The following ME1 variants were observed in gnomAD, a reference collection of about 807,000 sequenced individuals.
The protein encoded by ME1 is malic enzyme 1, also known as NADP-dependent malic enzyme.
A neutral mutation model predicts 66.4 loss-of-function variants in ME1; 74 were observed. The ratio of observed to expected loss-of-function variants is 1.11; its 90% CI spans 0.92 to 1.35. ME1 has a LOEUF of 1.35. Among genes scored for constraint, ME1 ranks in the 40% most tolerant of loss-of-function variants. The pLI, the probability that ME1 is intolerant of heterozygous loss-of-function variation, is 0.00. For missense variants in ME1, 750 were observed against 694.1 expected, an observed-to-expected ratio of 1.08 and a Z score of -0.90; for synonymous variants, 251 against 235.6, an observed-to-expected ratio of 1.07 and a Z score of -0.60.
intron 1 of ME1, among the ~76,000 whole-genome samples, chr6:83,409,113 A>C (rs561128304): frequency 6.8e-4 from 103 of 152,230 alleles, no homozygotes; most frequent in African/African-American, 2.3e-3. Flanking sequence ...ACAAATAAGG[A>C]AGCAGACCCC....
chr6:83,381,493 T>C (rs1307544142), intron 3 of ME1, among the ~76,000 whole-genome samples: 1 of 152,018 alleles, frequency 6.6e-6, no homozygotes, highest in Non-Finnish European at 1.5e-5. Flanking sequence ...GAAAGTCTTA[T>C]GTACAGGAGA....
At chr6:83,222,919 A>G (rs115333482) in intron 12 of ME1, among the ~76,000 whole-genome samples, 8,205 of 152,252 alleles carry the variant, frequency 0.054, 707 homozygotes, top group African/African-American at 0.18. Flanking sequence ...AGGCCCAGAC[A>G]GAGCTCACTT....
intron 3 of ME1, among the ~76,000 whole-genome samples, chr6:83,394,142 G>T (rs1769685018): frequency 6.6e-6 from 1 of 151,716 alleles, no homozygotes; most frequent in South Asian, 2.1e-4. Flanking sequence ...ACAATTAACA[G>T]TAAATTCTAA....
chr6:83,294,757 T>TC (rs933401050), intron 6 of ME1, among the ~76,000 whole-genome samples: 2 of 151,480 alleles, frequency 1.3e-5, no homozygotes, highest in Non-Finnish European at 2.9e-5. Flanking sequence ...CTTCCACAGT[T>TC]CCCCCCGACT....
chr6:83,226,940 C>A (rs1380746073), intron 11 of ME1, among the ~76,000 whole-genome samples: 2 of 152,132 alleles, frequency 1.3e-5, no homozygotes, highest in African/African-American at 4.8e-5. Flanking sequence ...AACCCAAACC[C>A]AGGATTTAGC....
intron 5 of ME1, among the ~76,000 whole-genome samples, chr6:83,328,409 C>T (rs1768342768): frequency 6.6e-6 from 1 of 152,086 alleles, no homozygotes; most frequent in African/African-American, 2.4e-5. Context: ...CACATGTATA[C>T]CTATGTAACA....
intron 6 of ME1, among the ~76,000 whole-genome samples, chr6:83,292,395 G>T (rs569770834): frequency 6.6e-6 from 1 of 152,134 alleles, no homozygotes; most frequent in East Asian, 1.9e-4. Context: ...CAGTTACTTC[G>T]CAGTTTGCTG....
chr6:83,303,819 G>C (rs1471444040), intron 6 of ME1, among the ~76,000 whole-genome samples: 1 of 152,046 alleles, frequency 6.6e-6, no homozygotes, highest in Non-Finnish European at 1.5e-5. Context: ...CATGTTCTCA[G>C]AGTGATGGAG....
rs548062771 is a variant in ME1, at chr6:83,405,940, C to T, written c.212+1828G>A. Among the ~76,000 whole-genome samples the T allele has an allele frequency of 9.0e-4, 137 of 152,210 alleles. No homozygotes were observed. The Middle Eastern group carries it at 0.017, about 19-fold the overall frequency. On this transcript the variant is annotated intron_variant, in intron 2 of 13. Coordinates refer to ENST00000369705, the MANE Select transcript of ME1 (RefSeq NM_002395.6). The stretch of plus-strand genomic sequence containing the variant: ...GTTTCACCGTTTTAGCCGGGATGGT[C>T]TCGATCTCCTGAACTCGTGATCCGC...
chr6:83,425,160 AT>A (rs201835117), intron 1 of ME1, among the ~76,000 whole-genome samples: 2 of 150,014 alleles, frequency 1.3e-5, no homozygotes, highest in South Asian at 2.1e-4. Flanking sequence ...AGCTTTTTGT[AT>A]TTTTTTTTCT....
Position 83,211,766 on chromosome 6 carries a change from A to T in ME1, c.*158T>A. The T allele has an allele frequency of 2.0e-6, 1 of 495,246 alleles. No homozygotes were observed. 30.7% of individuals were successfully genotyped at this position (495,246 alleles called of 1,614,324 possible). A position where few individuals can be genotyped will look rare whatever the true frequency, so the allele number is the denominator to read the frequency against. On this transcript the variant is annotated 3_prime_UTR_variant, in exon 14 of 14. Transcript: ENST00000369705. ...AGCAAAATTGTCTCATGTGATGTTTATCCCAATTTATATCGATATTCTTCT... is the reference window on the plus strand; with the variant it reads ...AGCAAAATTGTCTCATGTGATGTTTTTCCCAATTTATATCGATATTCTTCT...
intron 5 of ME1, among the ~76,000 whole-genome samples, chr6:83,329,913 C>A (rs1175672185): frequency 6.6e-6 from 1 of 152,188 alleles, no homozygotes; most frequent in East Asian, 1.9e-4. Context: ...TAGCCTCGAA[C>A]TCCGAGACTC....
At chr6:83,386,971 T>TA (rs1311608411) in intron 3 of ME1, among the ~76,000 whole-genome samples, 1 of 152,090 alleles carries the variant, frequency 6.6e-6, no homozygotes, top group African/African-American at 2.4e-5. Context: ...CTGTCACTGA[T>TA]AAAGTACCCA....
intron 1 of ME1, among the ~76,000 whole-genome samples, chr6:83,419,800 G>A (rs1770232022): frequency 6.6e-6 from 1 of 152,050 alleles, no homozygotes; most frequent in Admixed American, 6.6e-5. Context: ...ACTGCTAATT[G>A]CCTACGACAA....
At chr6:83,422,375 G>A (rs1770285104) in intron 1 of ME1, among the ~76,000 whole-genome samples, 1 of 152,098 alleles carries the variant, frequency 6.6e-6, no homozygotes, top group South Asian at 2.1e-4. Flanking sequence ...AAGCAAAGAA[G>A]AACAGTATTC....
chr6:83,331,236 T>C (rs1243945501), intron 5 of ME1, among the ~76,000 whole-genome samples: 1 of 152,046 alleles, frequency 6.6e-6, no homozygotes, highest in Non-Finnish European at 1.5e-5. Flanking sequence ...TTTAAAGAAG[T>C]AATTAAGTTG....
chr6:83,284,437 C>T (rs911717730), intron 6 of ME1, among the ~76,000 whole-genome samples: 1 of 151,784 alleles, frequency 6.6e-6, no homozygotes, highest in Non-Finnish European at 1.5e-5. Context: ...AAAGACACAA[C>T]AAAAAAAGAG....
chr6:83,254,556 T>G (rs1274354953), intron 6 of ME1, among the ~76,000 whole-genome samples: 12 of 152,176 alleles, frequency 7.9e-5, no homozygotes, highest in Non-Finnish European at 1.6e-4. Flanking sequence ...TCTCCTGGTC[T>G]CCCAAGTCTC....
At position 83,428,382 on chromosome 6, in the gene ME1, T is replaced by A. The variant is rs533221601; in HGVS notation, c.78+2495A>T. 6.6e-5 allele frequency among the ~76,000 whole-genome samples: 10 copies of A among 152,264 alleles called. No homozygotes were observed. In the East Asian group the frequency reaches 1.5e-3, roughly 24 times the overall value. ...AAGAAAATGTTAATTAATGAAGGTG[T>A]CTCTTTCATATATATATGTAGAATG... On this transcript the variant is annotated intron_variant, in intron 1 of 13. Transcript: ENST00000369705.
Sources: gnomAD v4.1 joint callset for allele counts (sites outside exome capture counted in the v4.1 genomes callset) on GRCh38, gnomAD v4.1.1 for gene constraint, MANE v1.5 for transcripts, NCBI Gene and HGNC (gene_info 2026-07-23, HGNC 2026-07-21) for gene names.